USP37: variants seen among roughly 807,000 people sequenced by gnomAD.
The protein encoded by USP37 is ubiquitin carboxyl-terminal hydrolase 37.
USP37 carries 27 observed loss-of-function variants against 124.0 expected under a neutral mutation model. The observed-to-expected ratio is 0.22, with a 90% CI of 0.16 to 0.30. The LOEUF (loss-of-function observed/expected upper bound fraction) is 0.30, where lower values mean the gene tolerates loss of function less well. USP37 is among the 10% of genes least tolerant of loss of function. The pLI is 1.00. For missense variants in USP37, 889 were observed against 1,140.4 expected (o/e 0.78, Z 3.17); for synonymous variants, 365 against 388.0 (o/e 0.94, Z 0.70).
chr2:218,542,100 A>G (rs1276591638), intron 8 of USP37, among the ~76,000 whole-genome samples: 1 of 152,118 alleles, frequency 6.6e-6, no homozygotes, highest in Non-Finnish European at 1.5e-5. Flanking sequence ...GACGAAGCCT[A>G]TTCTCTGTGG....
chr2:218,542,065 C>T (rs930683818), intron 8 of USP37, among the ~76,000 whole-genome samples: 1 of 152,152 alleles, frequency 6.6e-6, no homozygotes, highest in African/African-American at 2.4e-5. Context: ...GCTAGAACAA[C>T]CCAAGAGTTT....
chr2:218,464,900 G>C (rs1690227030), intron 21 of USP37, among the ~76,000 whole-genome samples: 1 of 151,324 alleles, frequency 6.6e-6, no homozygotes, highest in Non-Finnish European at 1.5e-5. Flanking sequence ...CTGGGCAACA[G>C]TGAGACACTG....
At chr2:218,457,252 T>A in intron 23 of USP37, 91 bp from the exon 24 acceptor site, 1 of 1,264,310 alleles carries the variant, frequency 7.9e-7, no homozygotes, top group Non-Finnish European at 1.1e-6. Context: ...CTGACATGGC[T>A]AAGCTTTGGT....
At chr2:218,488,272 A>T in intron 15 of USP37, 32 bp downstream of exon 15, 1 of 1,380,108 alleles carries the variant, frequency 7.2e-7, no homozygotes, top group Non-Finnish European at 1.0e-6. Flanking sequence ...TATAAAATTT[A>T]GTTATGTGAA....
chr2:218,486,778 T>C (rs897218465), intron 15 of USP37, among the ~76,000 whole-genome samples: 1 of 152,002 alleles, frequency 6.6e-6, no homozygotes, highest in South Asian at 2.1e-4. Context: ...CAGGCTGGAG[T>C]GCAGTGGCGC....
intron 8 of USP37, among the ~76,000 whole-genome samples, chr2:218,540,825 G>GCTAT (rs951112544): frequency 2.0e-5 from 3 of 152,070 alleles, no homozygotes; most frequent in African/African-American, 7.2e-5. Context: ...AGGACTCATA[G>GCTAT]GAGTATCTCA....
At chr2:218,551,798 CT>C (rs202058272) in intron 5 of USP37, among the ~76,000 whole-genome samples, 6,419 of 145,580 alleles carry the variant, frequency 0.044, 381 homozygotes, top group African/African-American at 0.14. Flanking sequence ...TTTCTTGATT[CT>C]TTTTTTTTTT....
intron 22 of USP37, among the ~76,000 whole-genome samples, chr2:218,461,557 A>T (rs1032118940): frequency 2.0e-5 from 3 of 152,178 alleles, no homozygotes; most frequent in African/African-American, 7.2e-5. Context: ...AGAACAGGAA[A>T]AGAGAATATA....
Position 218,463,302 on chromosome 2 carries a change from A to G in USP37, c.2527+4T>C. The G allele has an allele frequency of 2.5e-6, 4 of 1,613,512 alleles. No individual in the cohort carries two copies. Among genetic ancestry groups the G allele is most frequent in the Non-Finnish European group, 3.4e-6 (4 of 1,179,730 alleles). ...AAAAAATGTAATTAAAAAGATCTCCACACCTTGAAGACTTAACTCGGTAGC... is the reference window on the plus strand; with the variant it reads ...AAAAAATGTAATTAAAAAGATCTCCGCACCTTGAAGACTTAACTCGGTAGC... On this transcript the variant is annotated splice_donor_region_variant and intron_variant, in intron 22 of 25. Transcript: ENST00000258399.
chr2:218,486,312 T>A (rs915661383), intron 15 of USP37: 1 of 152,234 alleles, frequency 6.6e-6, no homozygotes, highest in African/African-American at 2.4e-5. Context: ...AGGAAAATCT[T>A]CAAAGTCTAT....
At chr2:218,516,962 ATTTC>A (rs1271003429) in intron 10 of USP37, among the ~76,000 whole-genome samples, 3 of 152,116 alleles carry the variant, frequency 2.0e-5, no homozygotes, top group Non-Finnish European at 4.4e-5. Flanking sequence ...TCCTTTCCTT[ATTTC>A]TTTCTCTGAC....
At chr2:218,501,401 G>C (rs992381949) in intron 11 of USP37, among the ~76,000 whole-genome samples, 2 of 152,002 alleles carry the variant, frequency 1.3e-5, no homozygotes, top group African/African-American at 4.8e-5. Context: ...GTTGCCCATG[G>C]GTGATGTCAA....
chr2:218,543,578 T>C (rs1692118671), intron 8 of USP37, among the ~76,000 whole-genome samples: 1 of 145,780 alleles, frequency 6.9e-6, no homozygotes, highest in Non-Finnish European at 1.5e-5. Context: ...TTTGGGAGCC[T>C]GAGGCAGATG....
intron 8 of USP37, among the ~76,000 whole-genome samples, chr2:218,541,505 C>T (rs1448447833): frequency 2.0e-5 from 3 of 152,126 alleles, no homozygotes; most frequent in African/African-American, 7.2e-5. Flanking sequence ...CTGACAAGCA[C>T]ATGGTGACCA....
chr2:218,481,631 G>C (rs936216947), intron 17 of USP37, among the ~76,000 whole-genome samples: 22 of 150,948 alleles, frequency 1.5e-4, no homozygotes, highest in African/African-American at 4.4e-4. Flanking sequence ...CTAAAACAAA[G>C]TAAAGCAAAA....
intron 5 of USP37, among the ~76,000 whole-genome samples, chr2:218,550,761 G>A (rs950624659): frequency 1.3e-5 from 2 of 151,864 alleles, no homozygotes; most frequent in African/African-American, 4.8e-5. Context: ...TCATGTGTAA[G>A]GGCCATCTAT....
At position 218,454,724 on chromosome 2, in the gene USP37, A is replaced by C; in HGVS notation, c.*206T>G. The C allele has an allele frequency of 3.1e-6, 3 of 970,802 alleles. No homozygotes were observed. Among genetic ancestry groups the C allele is most frequent in the Non-Finnish European group, 4.3e-6 (3 of 693,066 alleles). 60.1% of individuals were successfully genotyped at this position (970,802 alleles called of 1,614,324 possible). ...GCCACTCATAGGAGAAAAAGAGGAT[A>C]ATCAGCTACGGATGTGAGACCAAAG... On this transcript the variant is annotated 3_prime_UTR_variant, in exon 26 of 26. Coordinates refer to ENST00000258399, the MANE Select transcript of USP37 (RefSeq NM_020935.3).
intron 19 of USP37, among the ~76,000 whole-genome samples, 196 bp from the exon 20 acceptor site, chr2:218,475,081 TA>T (rs1690894229): frequency 6.6e-6 from 1 of 152,170 alleles, no homozygotes; most frequent in South Asian, 2.1e-4. Flanking sequence ...AAGAATACAT[TA>T]TTTTTTCTTG....
intron 4 of USP37, 68 bp downstream of exon 4, chr2:218,558,430 T>C (rs1038877753): frequency 2.8e-6 from 4 of 1,444,304 alleles, no homozygotes; most frequent in Admixed American, 2.1e-5. Flanking sequence ...ATGTTTACTA[T>C]GGCACAGAAT....
Sources: allele counts gnomAD v4.1 joint callset (sites outside exome capture counted in the v4.1 genomes callset), GRCh38; gene constraint gnomAD v4.1.1; transcripts MANE v1.5; gene names NCBI Gene and HGNC (gene_info 2026-07-23, HGNC 2026-07-21).